SELENOT: variants seen among roughly 807,000 people sequenced by gnomAD.
SELENOT encodes selenoprotein T.
In SELENOT, 9 loss-of-function variants were observed where a neutral mutation model predicts 24.3. The ratio of observed to expected loss-of-function variants is 0.37; its 90% CI spans 0.22 to 0.65. The LOEUF is 0.65. Ranked by LOEUF, SELENOT falls within the 30% of genes least tolerant of loss-of-function variation. SELENOT has a pLI of 0.60. For missense variants in SELENOT, 166 were observed against 247.6 expected (o/e 0.67, Z 2.21); for synonymous variants, 81 against 86.0 (o/e 0.94, Z 0.32).
chr3:150,624,940 T>C lies in SELENOT; in HGVS notation c.463+41T>C, dbSNP rs755313833. On this transcript the variant is annotated intron_variant, in intron 4 of 5. Transcript: ENST00000471696. The stretch of plus-strand genomic sequence containing the variant: ...TTTGCATTTTGTGATTGATTTTAAA[T>C]GATTTATAATGAGTATCAAGCTTTT... 1.5e-5 allele frequency: 16 copies of C among 1,054,342 alleles called. 1 individual carries two copies. Among genetic ancestry groups the C allele is most frequent in the East Asian group, 5.6e-5 (2 of 35,840 alleles). 65.3% of individuals were successfully genotyped at this position (1,054,342 alleles called of 1,614,324 possible). A position where few individuals can be genotyped will look rare whatever the true frequency, so the allele number is the denominator to read the frequency against.
Position 150,609,927 on chromosome 3 carries a change from A to T in SELENOT, c.137+6428A>T, listed in dbSNP as rs543971389. Among the ~76,000 whole-genome samples the T allele has an allele frequency of 8.1e-4, 123 of 152,264 alleles. 1 individual carries two copies. Among genetic ancestry groups the T allele is most frequent in the African/African-American group, 2.9e-3 (121 of 41,554 alleles). ...AAAGTGTCAGTGTTTGGTATGATTT[A>T]TTTTTGTGAATTTTTGTGATTTCAG... On this transcript the variant is annotated intron_variant, in intron 1 of 5. Transcript: ENST00000471696.
chr3:150,615,525 CTGT>C (rs1726191847), intron 1 of SELENOT, among the ~76,000 whole-genome samples: 1 of 152,154 alleles, frequency 6.6e-6, no homozygotes, highest in African/African-American at 2.4e-5. Context: ...TCTCCAGCAC[CTGT>C]TGTTTCAGAT....
At chr3:150,614,002 T>G (rs967656887) in intron 1 of SELENOT, among the ~76,000 whole-genome samples, 1 of 152,114 alleles carries the variant, frequency 6.6e-6, no homozygotes, top group Non-Finnish European at 1.5e-5. Context: ...CAGTACATTT[T>G]AGGTTTATTT....
chr3:150,612,391 CTATATA>C (rs777432896), intron 1 of SELENOT, among the ~76,000 whole-genome samples: 1 of 151,728 alleles, frequency 6.6e-6, no homozygotes, highest in Non-Finnish European at 1.5e-5. Flanking sequence ...CCATGCCCGG[CTATATA>C]TATATATTTT....
At chr3:150,605,595 ATTATTT>A (rs1021584711) in intron 1 of SELENOT, among the ~76,000 whole-genome samples, 2 of 152,134 alleles carry the variant, frequency 1.3e-5, no homozygotes, top group African/African-American at 2.4e-5. Context: ...CATTTAAAAA[ATTATTT>A]TTATTTTTAT....
intron 1 of SELENOT, among the ~76,000 whole-genome samples, chr3:150,610,000 A>G (rs893769897): frequency 8.5e-5 from 13 of 152,246 alleles, no homozygotes; most frequent in African/African-American, 2.9e-4. Flanking sequence ...ATTACATTAC[A>G]TTAGAGAATT....
intron 1 of SELENOT, among the ~76,000 whole-genome samples, chr3:150,609,568 T>A (rs1210178486): frequency 1.3e-5 from 2 of 152,198 alleles, no homozygotes; most frequent in African/African-American, 4.8e-5. Context: ...AAAGCTGGTC[T>A]TGAACTCCTG....
intron 1 of SELENOT, among the ~76,000 whole-genome samples, chr3:150,614,931 C>A (rs958657866): frequency 3.2e-4 from 48 of 150,174 alleles, no homozygotes; most frequent in African/African-American, 1.0e-3. Context: ...TAGTTACATA[C>A]GTATACATGT....
chr3:150,622,552 G>A, intron 2 of SELENOT, 57 bp downstream of exon 2: 1 of 832,678 alleles, frequency 1.2e-6, no homozygotes, highest in Non-Finnish European at 1.8e-6. Context: ...ATAAGTGTTT[G>A]TGAATTGGTT....
In SELENOT at chr3:150,618,097, T is replaced by C. The variant is rs1012818501; in HGVS notation, c.138-4288T>C. Among the ~76,000 whole-genome samples, 8 of 152,316 alleles carry C rather than the reference T, an allele frequency of 5.3e-5. No individual in the cohort carries two copies. In the South Asian group the frequency reaches 1.7e-3, roughly 32 times the overall value. ...GTCTCAAACTCCTGACCTCAGGTGA[T>C]CCACCCGCCTCAGCCTCCCAAAGTG... On this transcript the variant is annotated intron_variant, in intron 1 of 5. Coordinates refer to ENST00000471696, the MANE Select transcript of SELENOT (RefSeq NM_016275.5).
In SELENOT at chr3:150,611,792, G is replaced by T. The variant is rs919293192; in HGVS notation, c.137+8293G>T. 9.3e-6 allele frequency: 10 copies of T among 1,079,196 alleles called. No individual in the cohort carries two copies. The African/African-American group carries it at 9.6e-5, about 10-fold the overall frequency. The allele number at this position is 1,079,196 out of a possible 1,614,324, so 66.9% of individuals were successfully genotyped here. ...GACCGCCCCTGCGCCCGGCCCCTCA[G>T]CCCCGATTTCCCGGACGAGGCACTG... On this transcript the variant is annotated intron_variant, in intron 1 of 5. Coordinates refer to ENST00000471696, the MANE Select transcript of SELENOT (RefSeq NM_016275.5).
intron 1 of SELENOT, among the ~76,000 whole-genome samples, chr3:150,615,111 C>T (rs1406865215): frequency 2.8e-5 from 4 of 143,382 alleles, no homozygotes; most frequent in African/African-American, 7.7e-5. Context: ...TGAGAATATG[C>T]GGTGTTTGGT....
chr3:150,611,195 AT>A (rs1425853446), intron 1 of SELENOT: 3 of 802,764 alleles, frequency 3.7e-6, no homozygotes, highest in Admixed American at 2.5e-5. Context: ...CACAAAGAAC[AT>A]TTCTACATGT....
At chr3:150,626,472 G>A (rs1025476504) in intron 4 of SELENOT, among the ~76,000 whole-genome samples, 2 of 152,084 alleles carry the variant, frequency 1.3e-5, no homozygotes, top group African/African-American at 4.8e-5. Context: ...ATCTTCCCTA[G>A]CCCAAAATGT....
chr3:150,603,829 C>G, intron 1 of SELENOT: 1 of 212,256 alleles, frequency 4.7e-6, no homozygotes. Context: ...CCATAGCCAC[C>G]CCGGCTGCCT....
chr3:150,628,865 G>A lies in SELENOT; in HGVS notation c.*1236G>A, dbSNP rs1422341514. 6.6e-6 allele frequency: 1 copy of A among 152,162 alleles called. No homozygotes were observed. Among genetic ancestry groups the A allele is most frequent in the Non-Finnish European group, 1.5e-5 (1 of 68,016 alleles). 9.4% of individuals were successfully genotyped at this position (152,162 alleles called of 1,614,324 possible). A position where few individuals can be genotyped will look rare whatever the true frequency, so the allele number is the denominator to read the frequency against. On this transcript the variant is annotated 3_prime_UTR_variant, in exon 6 of 6. Coordinates refer to ENST00000471696, the MANE Select transcript of SELENOT (RefSeq NM_016275.5). ...AGTGGTAGAGCCAAAAGTGATTTAG[G>A]AAAAGTTATAAGGTACAGGTTGAGT...
intron 3 of SELENOT, among the ~76,000 whole-genome samples, 182 bp downstream of exon 3, chr3:150,623,351 A>C (rs1726380765): frequency 6.6e-6 from 1 of 152,084 alleles, no homozygotes; most frequent in Non-Finnish European, 1.5e-5. Context: ...TTCCATATTG[A>C]TATATTAAGA....
Position 150,628,449 on chromosome 3 carries a change from G to C in SELENOT, c.*820G>C, listed in dbSNP as rs1726487662. The C allele has an allele frequency of 6.6e-6, 1 of 152,438 alleles. No homozygotes were observed. The highest frequency in any genetic ancestry group is 1.9e-4 in the East Asian group (1 of 5,192). The allele number at this position is 152,438 out of a possible 1,614,324, so 9.4% of individuals were successfully genotyped here. ...ATATTTAACAATTGCTTAAATTTTT[G>C]TTTTTGATTTATGGATAATTTCTTA... On this transcript the variant is annotated 3_prime_UTR_variant, in exon 6 of 6. Transcript: ENST00000471696.
intron 1 of SELENOT, chr3:150,611,243 A>G: frequency 8.7e-7 from 1 of 1,148,142 alleles, no homozygotes; most frequent in South Asian, 1.3e-5. Flanking sequence ...CCAAGTTTTT[A>G]GTCTCAATTC....
Sources: gnomAD v4.1 joint callset for allele counts (sites outside exome capture counted in the v4.1 genomes callset) on GRCh38, gnomAD v4.1.1 for gene constraint, MANE v1.5 for transcripts, NCBI Gene and HGNC (gene_info 2026-07-23, HGNC 2026-07-21) for gene names.